The following ADCYAP1R1 variants were observed in gnomAD, a reference collection of about 807,000 sequenced individuals.
ADCYAP1R1 encodes the protein ADCYAP receptor type I, also known as pituitary adenylate cyclase-activating polypeptide type I receptor.
Under a neutral mutation model 67.6 loss-of-function variants are expected in ADCYAP1R1, and 44 were observed. That is an observed-to-expected ratio of 0.65 (90% CI 0.51 to 0.84). The LOEUF (loss-of-function observed/expected upper bound fraction) is 0.84, where lower values mean the gene tolerates loss of function less well. Ranked by LOEUF, ADCYAP1R1 falls within the 40% of genes least tolerant of loss-of-function variation. The pLI is 0.00. For missense variants in ADCYAP1R1, 477 were observed against 587.9 expected (o/e 0.81, Z 1.95); for synonymous variants, 222 against 219.6 (o/e 1.01, Z -0.10).
Position 31,101,345 on chromosome 7 carries a change from T to C in ADCYAP1R1, c.1047-1892T>C, listed in dbSNP as rs150828187. The stretch of plus-strand genomic sequence containing the variant: ...CAGAAGCTGGAGAGATTTGACTTAT[T>C]GGTTTCCAGGGCCCTTTTTAGACTA... On this transcript the variant is annotated intron_variant, in intron 13 of 15. Coordinates refer to ENST00000304166, the MANE Select transcript of ADCYAP1R1 (RefSeq NM_001118.5). Among the ~76,000 whole-genome samples the C allele has an allele frequency of 2.4e-3, 369 of 152,304 alleles. 2 individuals are homozygous for C. The highest frequency in any genetic ancestry group is 8.4e-3 in the African/African-American group (347 of 41,556).
Position 31,084,014 on chromosome 7 carries a change from T to A in ADCYAP1R1, c.329-127T>A, listed in dbSNP as rs543268360. ...CAGCAATCACTGATTTCTGAAACCT[T>A]TCCCCATGCTTCCCAGTTGGTCATA... On this transcript the variant is annotated intron_variant, in intron 6 of 15. Coordinates refer to ENST00000304166, the MANE Select transcript of ADCYAP1R1 (RefSeq NM_001118.5). The A allele has an allele frequency of 5.4e-4, 390 of 728,564 alleles. 6 individuals are homozygous for A. The South Asian group carries it at 6.5e-3, about 12-fold the overall frequency. The allele number at this position is 728,564 out of a possible 1,614,324, so 45.1% of individuals were successfully genotyped here. A position where few individuals can be genotyped will look rare whatever the true frequency, so the allele number is the denominator to read the frequency against.
chr7:31,100,171 A>G (rs1410046755), intron 13 of ADCYAP1R1: 1 of 1,550,508 alleles, frequency 6.4e-7, no homozygotes, highest in Admixed American at 2.0e-5. Flanking sequence ...CGGGCTCAGC[A>G]GCACTCTTGC....
intron 1 of ADCYAP1R1, among the ~76,000 whole-genome samples, chr7:31,058,271 T>C (rs1430463880): frequency 6.6e-6 from 1 of 152,214 alleles, no homozygotes; most frequent in Non-Finnish European, 1.5e-5. Context: ...CACGGAGATG[T>C]GGAAAGTCTT....
rs548339408 is a variant in ADCYAP1R1, at chr7:31,101,210, C to T, written c.1047-2027C>T. On this transcript the variant is annotated intron_variant, in intron 13 of 15. Coordinates refer to ENST00000304166, the MANE Select transcript of ADCYAP1R1 (RefSeq NM_001118.5). ...GGGGAGGGAAGGTGTTGCCCTTGGACTGTGCTGTGGGATGCCCTCACTACC... is the reference window on the plus strand; with the variant it reads ...GGGGAGGGAAGGTGTTGCCCTTGGATTGTGCTGTGGGATGCCCTCACTACC... Among the ~76,000 whole-genome samples the T allele has an allele frequency of 3.3e-5, 5 of 152,322 alleles. No individual in the cohort carries two copies. In the South Asian group the frequency reaches 1.0e-3, roughly 32 times the overall value.
chr7:31,104,655 GT>G (rs1178316991), intron 14 of ADCYAP1R1, among the ~76,000 whole-genome samples: 2 of 152,308 alleles, frequency 1.3e-5, no homozygotes, highest in African/African-American at 4.8e-5. Flanking sequence ...GAATGTATCT[GT>G]GGGACAGGAC....
intron 4 of ADCYAP1R1, among the ~76,000 whole-genome samples, chr7:31,079,420 G>A (rs1401723773): frequency 2.6e-5 from 4 of 152,210 alleles, no homozygotes; most frequent in African/African-American, 9.6e-5. Context: ...GATCTGAGTT[G>A]TGTGTGGCCA....
At chr7:31,065,058 T>A in intron 3 of ADCYAP1R1, 122 bp downstream of exon 3, 1 of 671,196 alleles carries the variant, frequency 1.5e-6, no homozygotes, top group Non-Finnish European at 2.5e-6. Flanking sequence ...CAGAAGGCCC[T>A]CGAGAATACT....
At chr7:31,074,440 G>A (rs1410676829) in intron 3 of ADCYAP1R1, among the ~76,000 whole-genome samples, 1 of 152,098 alleles carries the variant, frequency 6.6e-6, no homozygotes, top group African/African-American at 2.4e-5. Flanking sequence ...CAACATGAGA[G>A]CCCCCTTCTC....
At chr7:31,084,307 G>C (rs1795648064) in intron 7 of ADCYAP1R1, 57 bp downstream of exon 7, 3 of 1,471,024 alleles carry the variant, frequency 2.0e-6, no homozygotes, top group Admixed American at 1.7e-5. Flanking sequence ...AGGAAATTTA[G>C]GTCAGTAGGC....
intron 7 of ADCYAP1R1, 148 bp from the exon 8 acceptor site, chr7:31,084,589 G>C: frequency 1.4e-6 from 1 of 711,340 alleles, no homozygotes; most frequent in Non-Finnish European, 2.5e-6. Context: ...GTGGGAGGTG[G>C]TGGAGATGAT....
intron 5 of ADCYAP1R1, among the ~76,000 whole-genome samples, chr7:31,081,329 C>T (rs1205378899): frequency 1.3e-5 from 2 of 152,100 alleles, no homozygotes; most frequent in African/African-American, 2.4e-5. Context: ...AAAAGGAAAC[C>T]CCAAGCCCTG....
chr7:31,103,737 G>A (rs1162688895), intron 14 of ADCYAP1R1, among the ~76,000 whole-genome samples: 1 of 152,198 alleles, frequency 6.6e-6, no homozygotes, highest in African/African-American at 2.4e-5. Flanking sequence ...CCTACATCTA[G>A]ATCCCCAGCA....
At chr7:31,100,051 G>T in intron 13 of ADCYAP1R1, 1 of 1,421,314 alleles carries the variant, frequency 7.0e-7, no homozygotes. Flanking sequence ...CCTCTTTTCT[G>T]CTTTCCCTGT....
chr7:31,066,030 C>G (rs1390619712), intron 3 of ADCYAP1R1, among the ~76,000 whole-genome samples: 2 of 152,000 alleles, frequency 1.3e-5, no homozygotes, highest in Non-Finnish European at 2.9e-5. Context: ...CAGCCCTAAC[C>G]AAGGTTGAAC....
At chr7:31,083,680 GGT>G (rs1019839851) in intron 6 of ADCYAP1R1, among the ~76,000 whole-genome samples, 1 of 152,148 alleles carries the variant, frequency 6.6e-6, no homozygotes, top group Non-Finnish European at 1.5e-5. Flanking sequence ...GTGTTCCCAA[GGT>G]GTGCCAAGGA....
At chr7:31,054,986 A>G (rs1158595219) in intron 1 of ADCYAP1R1, among the ~76,000 whole-genome samples, 1 of 152,214 alleles carries the variant, frequency 6.6e-6, no homozygotes, top group Non-Finnish European at 1.5e-5. Flanking sequence ...AGTTGGGCTT[A>G]GTGGTCCAGC....
At chr7:31,072,506 C>T (rs1406518278) in intron 3 of ADCYAP1R1, among the ~76,000 whole-genome samples, 3 of 152,212 alleles carry the variant, frequency 2.0e-5, no homozygotes, top group Non-Finnish European at 2.9e-5. Context: ...CTCTGTCTGA[C>T]ACAGGACTCC....
intron 3 of ADCYAP1R1, among the ~76,000 whole-genome samples, chr7:31,067,634 A>C (rs949355485): frequency 6.6e-6 from 1 of 152,192 alleles, no homozygotes; most frequent in African/African-American, 2.4e-5. Context: ...CTGTACCCTC[A>C]ACTGCTGGGA....
rs7784167 is a variant in ADCYAP1R1, at chr7:31,102,328, T to A, written c.1047-909T>A. On this transcript the variant is annotated intron_variant, in intron 13 of 15. Transcript: ENST00000304166. This position sits in a 1 kb window ranked among gnomAD's most constrained non-coding sequence, Gnocchi z 4.3. ...CCACATCTGCAGGGCAGAGCTGGAC[T>A]CTCTGGGGGAGACCCACAGGGAGCC... is the stretch of plus-strand genomic sequence containing the variant. Among the ~76,000 whole-genome samples, 14,046 of 152,182 alleles carry A rather than the reference T, an allele frequency of 0.092. 845 individuals are homozygous for A. The highest frequency in any genetic ancestry group is 0.18 in the Middle Eastern group (52 of 294).
Sources: gnomAD v4.1 joint callset for allele counts (sites outside exome capture counted in the v4.1 genomes callset) on GRCh38, gnomAD v4.1.1 for gene constraint, Gnocchi (gnomAD v3.1) non-coding constraint, MANE v1.5 for transcripts, NCBI Gene and HGNC (gene_info 2026-07-23, HGNC 2026-07-21) for gene names.